Variants in PLA2G6 observed in about 807,000 individuals in gnomAD.
PLA2G6 encodes 85/88 kDa calcium-independent phospholipase A2.
Under a neutral mutation model 83.8 loss-of-function variants are expected in PLA2G6, and 62 were observed. That is an observed-to-expected ratio of 0.74 (90% CI 0.60 to 0.91). The LOEUF (loss-of-function observed/expected upper bound fraction) is 0.91. Among genes scored for constraint, PLA2G6 ranks in the 40% least tolerant of loss-of-function variants. The pLI, the probability that PLA2G6 is intolerant of heterozygous loss-of-function variation, is 0.00. For synonymous variants in PLA2G6, 417 were observed against 449.8 expected, an observed-to-expected ratio of 0.93 and a Z score of 0.92; for missense variants, 944 against 1,102.0, an observed-to-expected ratio of 0.86 and a Z score of 2.03.
Position 38,123,110 on chromosome 22 carries a change from G to C in PLA2G6, c.1576C>G (p.Leu526Val), listed in dbSNP as rs1166668741. Residue 526 changes from leucine to valine, a missense_variant, in exon 11 of 17, where the codon CTG becomes GTG. By Grantham distance (32) the Leu-to-Val change is conservative. Transcript: ENST00000332509. This position sits in a 1 kb window ranked among gnomAD's most constrained non-coding sequence, Gnocchi z 4.1. ...CCGCCCTCACTGTGCAGAATGGCCA[G>C]GGCCAGGATGCCTCCAGTGCTGGTG... is the stretch of plus-strand genomic sequence containing the variant. ...AGTSTGGILA[L>V]AILHSKSMAY... The C allele has an allele frequency of 6.5e-7, 1 of 1,549,274 alleles. No individual in the cohort carries two copies. Among genetic ancestry groups the C allele is most frequent in the Non-Finnish European group, 8.7e-7 (1 of 1,147,174 alleles).
chr22:38,175,208 A>G (rs1277521627), intron 1 of PLA2G6, among the ~76,000 whole-genome samples: 2 of 152,136 alleles, frequency 1.3e-5, no homozygotes, highest in Non-Finnish European at 2.9e-5. Flanking sequence ...TGCGCTCTCC[A>G]GTTCCTGCTG....
chr22:38,128,098 T>A lies in PLA2G6; in HGVS notation c.1348+171A>T. 1 of 663,528 alleles carries A rather than the reference T, an allele frequency of 1.5e-6. No homozygotes were observed. Among genetic ancestry groups the A allele is most frequent in the Non-Finnish European group, 2.7e-6 (1 of 376,146 alleles). The allele number at this position is 663,528 out of a possible 1,614,324, so 41.1% of individuals were successfully genotyped here. On this transcript the variant is annotated intron_variant, in intron 9 of 16. Coordinates refer to ENST00000332509, the MANE Select transcript of PLA2G6 (RefSeq NM_003560.4). This position sits in a 1 kb window ranked among gnomAD's most constrained non-coding sequence, Gnocchi z 4.4. ...ACATCAGCCAGGGACACCCTAGGCC[T>A]CTGGGATCTGTGGGTTGCTGGCTGC...
rs1602053891 is a variant in PLA2G6, at chr22:38,112,640, G to GCCC, written c.2203-66_2203-64dup. The GCCC allele has an allele frequency of 5.0e-5, 68 of 1,368,594 alleles. No individual in the cohort carries two copies. The East Asian group carries it at 1.7e-3, about 34-fold the overall frequency. 84.8% of individuals were successfully genotyped at this position (1,368,594 alleles called of 1,614,324 possible). A position where few individuals can be genotyped will look rare whatever the true frequency, so the allele number is the denominator to read the frequency against. On this transcript the variant is annotated intron_variant, in intron 15 of 16. Coordinates refer to ENST00000332509, the MANE Select transcript of PLA2G6 (RefSeq NM_003560.4). The stretch of plus-strand genomic sequence containing the variant: ...CCCCGCCCGGCCCGCACCCCGCCCG[G>GCCC]CCCTGCCCTGCACTCTCGGAGCCCC...
intron 2 of PLA2G6, among the ~76,000 whole-genome samples, chr22:38,157,925 A>C (rs2089852932): frequency 6.6e-6 from 1 of 151,788 alleles, no homozygotes; most frequent in African/African-American, 2.4e-5. Flanking sequence ...AATTCCAGCT[A>C]CTTGGAAGGC....
intron 2 of PLA2G6, among the ~76,000 whole-genome samples, chr22:38,157,446 G>T (rs546904835): frequency 6.6e-6 from 1 of 152,258 alleles, no homozygotes; most frequent in East Asian, 1.9e-4. Context: ...AACAAGTAAT[G>T]AGATCAAAGC....
chr22:38,128,495 A>AGG lies in PLA2G6; in HGVS notation c.1187-67_1187-66dup. On this transcript the variant is annotated intron_variant, in intron 8 of 16. Transcript: ENST00000332509. The surrounding 1 kb of genome is among the most constrained non-coding windows in gnomAD (Gnocchi z 4.4). ...GAAATGATGTCAACATGCAAAGGAG[A>AGG]GGCCCCTCCTTTCCACACTCCGTCC... The AGG allele has an allele frequency of 1.3e-6, 2 of 1,535,772 alleles. No homozygotes were observed. Among genetic ancestry groups the AGG allele is most frequent in the East Asian group, 4.5e-5 (2 of 43,990 alleles).
intron 10 of PLA2G6, chr22:38,125,722 G>T (rs2087814080): frequency 2.1e-6 from 1 of 470,582 alleles, no homozygotes; most frequent in Non-Finnish European, 4.4e-6. Context: ...TTCCTCCCTG[G>T]GAAGGCTATT....
At chr22:38,126,963 C>G in intron 9 of PLA2G6, 1 of 1,050,802 alleles carries the variant, frequency 9.5e-7, no homozygotes, top group Non-Finnish European at 1.2e-6. Flanking sequence ...GGAGACATCC[C>G]TCGTCCTGAT....
chr22:38,113,855 C>G (rs988844441), intron 14 of PLA2G6: 1 of 685,044 alleles, frequency 1.5e-6, no homozygotes, highest in South Asian at 1.5e-5. Context: ...GCGGGCATCA[C>G]ATGCCATCTG....
At chr22:38,157,524 A>T (rs2089831624) in intron 2 of PLA2G6, among the ~76,000 whole-genome samples, 1 of 152,190 alleles carries the variant, frequency 6.6e-6, no homozygotes, top group Non-Finnish European at 1.5e-5. Context: ...ATTTTACCAA[A>T]CATTTAAACA....
chr22:38,120,597 C>G (rs145405157), intron 12 of PLA2G6, among the ~76,000 whole-genome samples, 162 bp downstream of exon 12: 50 of 152,178 alleles, frequency 3.3e-4, no homozygotes, highest in African/African-American at 1.1e-3. Context: ...AAGTGAGAGC[C>G]ACACCCCAGC....
At chr22:38,145,280 C>T (rs1470318854) in intron 3 of PLA2G6, 158 bp downstream of exon 3, 7 of 708,438 alleles carry the variant, frequency 9.9e-6, no homozygotes, top group African/African-American at 7.0e-5. Flanking sequence ...CCTCCCTCCT[C>T]AGCCTCCCAA....
rs866900789 is a variant in PLA2G6 at position 38,143,186 on chromosome 22, G to A, written c.528C>T (p.His176=). 6 of 1,614,170 alleles carry A rather than the reference G, an allele frequency of 3.7e-6. No individual in the cohort carries two copies. The highest frequency in any genetic ancestry group is 3.3e-4 in the Middle Eastern group (2 of 6,062). The part of the protein sequence containing the change: ...EILVELVQYC[H]TQMDVTDYKG... ...TGTAGTCGGTGACATCCATCTGAGT[G>A]TGGCAGTACTGCACCAGCTCCACCA... Residue 176 remains histidine (H), a synonymous_variant, in exon 4 of 17, where the codon CAC becomes CAT. Coordinates refer to ENST00000332509, the MANE Select transcript of PLA2G6 (RefSeq NM_003560.4).
At position 38,123,099 on chromosome 22, in the gene PLA2G6, C is replaced by T. The variant is rs1348620928; in HGVS notation, c.1587G>A (p.Leu529=). ...ATCCCCAGGGGCCGCCCTCACTGTG[C>T]AGAATGGCCAGGGCCAGGATGCCTC... ...STGGILALAI[L]HSKSMAYMRG... Residue 529 remains leucine, a synonymous_variant, in exon 11 of 17, where the codon CTG becomes CTA. Transcript: ENST00000332509. The surrounding 1 kb of genome is among the most constrained non-coding windows in gnomAD (Gnocchi z 4.1). 2 of 1,548,790 alleles carry T rather than the reference C, an allele frequency of 1.3e-6. No individual in the cohort carries two copies. The highest frequency in any genetic ancestry group is 2.4e-5 in the East Asian group (1 of 40,950).
chr22:38,111,604 GCAGTGTGAGGGGCTGGGC>G lies in PLA2G6; in HGVS notation c.*539_*556del, dbSNP rs2086874586. On this transcript the variant is annotated 3_prime_UTR_variant, in exon 17 of 17. Transcript: ENST00000332509. Reference sequence around the variant, plus strand: ...GAGAGCTGAGGGTTCTCGGGGTGGGGCAGTGTGAGGGGCTGGGCCAGTGTGAGGGGCAAAGTCCAACGG... The same window carrying G: ...GAGAGCTGAGGGTTCTCGGGGTGGGGCAGTGTGAGGGGCAAAGTCCAACGG... 3 of 177,832 alleles carry G rather than the reference GCAGTGTGAGGGGCTGGGC, an allele frequency of 1.7e-5. No individual in the cohort carries two copies. Among genetic ancestry groups the G allele is most frequent in the South Asian group, 2.3e-4 (2 of 8,760 alleles). The allele number at this position is 177,832 out of a possible 1,614,324, so 11.0% of individuals were successfully genotyped here.
chr22:38,111,645 C>T lies in PLA2G6; in HGVS notation c.*516G>A, dbSNP rs569445142. 31 of 196,010 alleles carry T rather than the reference C, an allele frequency of 1.6e-4. No individual in the cohort carries two copies. The highest frequency in any genetic ancestry group is 2.4e-4 in the Non-Finnish European group (22 of 93,290). 12.1% of individuals were successfully genotyped at this position (196,010 alleles called of 1,614,324 possible). A position where few individuals can be genotyped will look rare whatever the true frequency, so the allele number is the denominator to read the frequency against. On this transcript the variant is annotated 3_prime_UTR_variant, in exon 17 of 17. Coordinates refer to ENST00000332509, the MANE Select transcript of PLA2G6 (RefSeq NM_003560.4). ...GGCCAGTGTGAGGGGCAAAGTCCAA[C>T]GGGCATCCCACTCCTGCGGCCTGGG...
intron 2 of PLA2G6, chr22:38,150,237 A>G (rs1410699794): frequency 2.6e-5 from 4 of 152,194 alleles, no homozygotes; most frequent in Non-Finnish European, 4.4e-5. Flanking sequence ...TACCAACAGA[A>G]TATGGCAAAA....
chr22:38,154,968 C>T (rs1308742888), intron 2 of PLA2G6, among the ~76,000 whole-genome samples: 2 of 152,206 alleles, frequency 1.3e-5, no homozygotes, highest in Non-Finnish European at 2.9e-5. Flanking sequence ...TGGCTCACGC[C>T]TGTAATCCCA....
rs766191720 is a variant in PLA2G6 at position 38,127,506 on chromosome 22, G to A, written c.1348+763C>T. On this transcript the variant is annotated intron_variant, in intron 9 of 16. Transcript: ENST00000332509. Reference sequence around the variant, plus strand: ...TGGGAGGTGGAGGGGGAGTTCCTGGGAGGGGAGAGAGAGGTGGAGCCAGGA... The same window carrying A: ...TGGGAGGTGGAGGGGGAGTTCCTGGAAGGGGAGAGAGAGGTGGAGCCAGGA... 6 of 1,198,698 alleles carry A rather than the reference G, an allele frequency of 5.0e-6. No individual in the cohort carries two copies. In the South Asian group the frequency reaches 6.3e-5, roughly 13 times the overall value. The allele number at this position is 1,198,698 out of a possible 1,614,324, so 74.3% of individuals were successfully genotyped here. A position where few individuals can be genotyped will look rare whatever the true frequency, so the allele number is the denominator to read the frequency against.
Sources: allele counts gnomAD v4.1 joint callset (sites outside exome capture counted in the v4.1 genomes callset), GRCh38; gene constraint gnomAD v4.1.1; non-coding constraint Gnocchi (gnomAD v3.1); transcripts MANE v1.5; gene names NCBI Gene and HGNC (gene_info 2026-07-23, HGNC 2026-07-21).